The following KCNAB1 variants were observed in gnomAD, a reference collection of about 807,000 sequenced individuals.
KCNAB1 encodes potassium voltage-gated channel subfamily A regulatory beta subunit 1.
KCNAB1 carries 35 observed loss-of-function variants against 64.6 expected under a neutral mutation model. That is an observed-to-expected ratio of 0.54 (90% CI 0.41 to 0.72). KCNAB1 has a LOEUF of 0.72. Among genes scored for constraint, KCNAB1 ranks in the 30% least tolerant of loss-of-function variants. The probability of loss-of-function intolerance (pLI) is 0.00; values close to 1 mark genes in which losing one functional copy is unlikely to be tolerated. For missense variants in KCNAB1, 401 were observed against 512.9 expected (o/e 0.78, Z 2.11); for synonymous variants, 177 against 183.8 (o/e 0.96, Z 0.30).
chr3:156,501,712 G>A lies in KCNAB1; in HGVS notation c.659-12652G>A, dbSNP rs1164763553. ...CTCCCAAAGTGCAGGGATTACAGGC[G>A]TGAGCCACTGCGCCCGGCCTGACTT... is the stretch of plus-strand genomic sequence containing the variant. On this transcript the variant is annotated intron_variant, in intron 8 of 13. Transcript: ENST00000490337. Among the ~76,000 whole-genome samples the A allele has an allele frequency of 4.6e-5, 7 of 152,106 alleles. No homozygotes were observed. In the East Asian group the frequency reaches 7.7e-4, roughly 17 times the overall value.
intron 1 of KCNAB1, among the ~76,000 whole-genome samples, chr3:156,335,853 G>GGTTTTTTTTTT (rs1553848761): frequency 7.4e-6 from 1 of 135,308 alleles, no homozygotes; most frequent in African/African-American, 2.7e-5. Flanking sequence ...AATTGTTTGG[G>GGTTTTTTTTTT]TTTTTTTTTT....
chr3:156,490,055 G>A (rs1715521668), intron 8 of KCNAB1, among the ~76,000 whole-genome samples: 1 of 151,990 alleles, frequency 6.6e-6, no homozygotes, highest in Non-Finnish European at 1.5e-5. Flanking sequence ...GAGTTGACAG[G>A]CTCTAAGCTG....
intron 1 of KCNAB1, among the ~76,000 whole-genome samples, chr3:156,272,299 AAGTTCCCCTGGGCCCCAGG>A: frequency 6.6e-6 from 1 of 152,164 alleles, no homozygotes; most frequent in Non-Finnish European, 1.5e-5. Context: ...GGGTGGTGGC[AAGTTCCCCTGGGCCCCAGG>A]TGGGTCCAGA....
intron 1 of KCNAB1, among the ~76,000 whole-genome samples, chr3:156,197,389 C>A (rs996174046): frequency 5.3e-5 from 8 of 152,158 alleles, no homozygotes; most frequent in African/African-American, 1.7e-4. Flanking sequence ...ATGCTACCAG[C>A]TCCTCTTTGT....
intron 1 of KCNAB1, among the ~76,000 whole-genome samples, chr3:156,381,229 A>C (rs1712134659): frequency 6.6e-6 from 1 of 152,154 alleles, no homozygotes; most frequent in African/African-American, 2.4e-5. Flanking sequence ...AATTTTGCAG[A>C]TAGGTGGTGA....
intron 3 of KCNAB1, 115 bp downstream of exon 3, chr3:156,453,051 G>C: frequency 1.7e-6 from 1 of 604,404 alleles, no homozygotes. Flanking sequence ...TTAATTCACA[G>C]GAAATGGTAA....
rs990594151 is a variant in KCNAB1, at chr3:156,348,839, A to G, written c.276-72777A>G. On this transcript the variant is annotated intron_variant, in intron 1 of 13. Coordinates refer to ENST00000490337, the MANE Select transcript of KCNAB1 (RefSeq NM_172160.3). ...GTACTCATCTTTGATGGTTCTCTCC[A>G]TTCCCAAAAGCTCAGCTGAATAATT... Among the ~76,000 whole-genome samples, 11 of 152,196 alleles carry G rather than the reference A, an allele frequency of 7.2e-5. 1 individual carries two copies. The highest frequency in any genetic ancestry group is 2.7e-4 in the African/African-American group (11 of 41,452).
At position 156,326,091 on chromosome 3, in the gene KCNAB1, C is replaced by T. The variant is rs140426549; in HGVS notation, c.276-95525C>T. Among the ~76,000 whole-genome samples, 4 of 152,256 alleles carry T rather than the reference C, an allele frequency of 2.6e-5. No homozygotes were observed. In the East Asian group the frequency reaches 7.7e-4, roughly 29 times the overall value. On this transcript the variant is annotated intron_variant, in intron 1 of 13. Transcript: ENST00000490337. ...TTAGTTCATCATGCCTTGGGTGCTT[C>T]TCCACCAGTCATGCCCAGCTACTCT... is the stretch of plus-strand genomic sequence containing the variant.
chr3:156,458,598 A>G (rs1712637731), intron 4 of KCNAB1, among the ~76,000 whole-genome samples: 1 of 152,164 alleles, frequency 6.6e-6, no homozygotes, highest in Non-Finnish European at 1.5e-5. Flanking sequence ...AAGGACCATC[A>G]AGGAGGTTCA....
intron 1 of KCNAB1, among the ~76,000 whole-genome samples, chr3:156,402,931 C>T (rs1042617909): frequency 1.3e-5 from 2 of 151,986 alleles, no homozygotes; most frequent in East Asian, 1.9e-4. Context: ...TTTTATTGTC[C>T]ATTTTATGAT....
chr3:156,335,116 G>A (rs955653927), intron 1 of KCNAB1, among the ~76,000 whole-genome samples: 3 of 152,190 alleles, frequency 2.0e-5, no homozygotes, highest in African/African-American at 7.2e-5. Context: ...TCTCCCTCCT[G>A]CTGGCATCTG....
chr3:156,175,744 G>A, intron 1 of KCNAB1: 1 of 556,414 alleles, frequency 1.8e-6, no homozygotes, highest in Non-Finnish European at 3.4e-6. Context: ...CACCTCCTCT[G>A]TTTCTTGCCA....
At chr3:156,450,417 G>A (rs1711905563) in intron 2 of KCNAB1, among the ~76,000 whole-genome samples, 1 of 152,186 alleles carries the variant, frequency 6.6e-6, no homozygotes, top group Admixed American at 6.5e-5. Context: ...ATAGTTAACA[G>A]TGTGCTATTC....
At chr3:156,292,709 T>C (rs921843803) in intron 1 of KCNAB1, among the ~76,000 whole-genome samples, 3 of 152,092 alleles carry the variant, frequency 2.0e-5, no homozygotes, top group Non-Finnish European at 4.4e-5. Context: ...ACCCGGCTCA[T>C]TTTTTATGTT....
chr3:156,321,819 T>G (rs1015186597), intron 1 of KCNAB1, among the ~76,000 whole-genome samples: 1 of 152,200 alleles, frequency 6.6e-6, no homozygotes, highest in Admixed American at 6.5e-5. Context: ...GGCAGTCTGG[T>G]TCCAGAAAGT....
intron 11 of KCNAB1, among the ~76,000 whole-genome samples, chr3:156,521,615 A>G (rs1409290319): frequency 6.6e-6 from 1 of 152,160 alleles, no homozygotes; most frequent in East Asian, 1.9e-4. Flanking sequence ...CTTTTGATTC[A>G]TAGATTACTG....
At chr3:156,284,817 G>A (rs1482934397) in intron 1 of KCNAB1, among the ~76,000 whole-genome samples, 1 of 152,228 alleles carries the variant, frequency 6.6e-6, no homozygotes, top group Non-Finnish European at 1.5e-5. Context: ...GCCTCACCCT[G>A]CTTCGGCTCG....
At chr3:156,172,661 G>C (rs1352920887) in intron 1 of KCNAB1, among the ~76,000 whole-genome samples, 1 of 152,180 alleles carries the variant, frequency 6.6e-6, no homozygotes, top group Non-Finnish European at 1.5e-5. Flanking sequence ...AGTGGCAAGT[G>C]GCCACTGAGA....
intron 1 of KCNAB1, chr3:156,143,363 G>T (rs148121179): frequency 3.1e-6 from 5 of 1,610,446 alleles, no homozygotes; most frequent in Non-Finnish European, 4.2e-6. Flanking sequence ...AAGTTTCTAC[G>T]TGTTCATGGA....
Sources: allele counts gnomAD v4.1 joint callset (sites outside exome capture counted in the v4.1 genomes callset), GRCh38; gene constraint gnomAD v4.1.1; transcripts MANE v1.5; gene names NCBI Gene and HGNC (gene_info 2026-07-23, HGNC 2026-07-21).